USP10: variants seen among roughly 807,000 people sequenced by gnomAD.
USP10 encodes ubiquitin carboxyl-terminal hydrolase 10.
Under a neutral mutation model 84.5 loss-of-function variants are expected in USP10, and 22 were observed. The ratio of observed to expected loss-of-function variants is 0.26; its 90% CI spans 0.19 to 0.37. The LOEUF (loss-of-function observed/expected upper bound fraction) is 0.37. USP10 is among the 10% of genes least tolerant of loss of function. The pLI is 1.00. For synonymous variants in USP10, 454 were observed against 387.6 expected (o/e 1.17, Z -2.01); for missense variants, 1,019 against 998.9 (o/e 1.02, Z -0.27).
chr16:84,759,280 A>G (rs2150848181), intron 5 of USP10, 83 bp from the exon 6 acceptor site: 2 of 1,318,588 alleles, frequency 1.5e-6, no homozygotes, highest in East Asian at 2.3e-5. Flanking sequence ...GTGTTTTTAT[A>G]AACATTCTTG....
intron 1 of USP10, among the ~76,000 whole-genome samples, chr16:84,730,993 T>C (rs968649981): frequency 1.3e-5 from 2 of 148,626 alleles, no homozygotes; most frequent in African/African-American, 5.0e-5. Flanking sequence ...TTTTTTTTTT[T>C]TTTTTGACAC....
At chr16:84,722,334 C>T (rs902828222) in intron 1 of USP10, among the ~76,000 whole-genome samples, 2 of 152,188 alleles carry the variant, frequency 1.3e-5, no homozygotes, top group South Asian at 2.1e-4. Context: ...TTGTCTCTTT[C>T]CTCTTGATAG....
chr16:84,723,655 G>C (rs564879843), intron 1 of USP10, among the ~76,000 whole-genome samples: 2 of 152,330 alleles, frequency 1.3e-5, no homozygotes, highest in South Asian at 4.1e-4. Flanking sequence ...TCTATGCCAA[G>C]TCTACTGCAT....
intron 1 of USP10, among the ~76,000 whole-genome samples, chr16:84,701,859 TATG>T (rs1904900998): frequency 6.6e-6 from 1 of 151,888 alleles, no homozygotes. Flanking sequence ...TCTTTTAAAG[TATG>T]ATTTAAATGC....
intron 13 of USP10, among the ~76,000 whole-genome samples, chr16:84,775,639 C>G (rs954866850): frequency 5.3e-5 from 8 of 152,176 alleles, no homozygotes; most frequent in Admixed American, 5.2e-4. Flanking sequence ...GCGTCCTCCC[C>G]CACAGGTATT....
chr16:84,768,144 T>G (rs1324915050), intron 10 of USP10, 49 bp from the exon 11 acceptor site: 2 of 1,506,494 alleles, frequency 1.3e-6, no homozygotes, highest in Non-Finnish European at 1.8e-6. Flanking sequence ...TAAGGGAAAG[T>G]GGCAAGGAGT....
chr16:84,778,091 C>CGTGTGTGTGTG (rs1555551161), intron 13 of USP10, among the ~76,000 whole-genome samples: 1 of 143,432 alleles, frequency 7.0e-6, no homozygotes, highest in African/African-American at 2.6e-5. Flanking sequence ...AAGTAAATAA[C>CGTGTGTGTGTG]TGTGTGTGTG....
intron 6 of USP10, 144 bp from the exon 7 acceptor site, chr16:84,759,747 T>A: frequency 1.2e-6 from 1 of 843,644 alleles, no homozygotes; most frequent in Non-Finnish European, 1.9e-6. Context: ...TAGAAGAGAC[T>A]TGAGTTCACT....
chr16:84,717,583 CT>C, intron 1 of USP10, among the ~76,000 whole-genome samples: 1 of 152,154 alleles, frequency 6.6e-6, no homozygotes, highest in African/African-American at 2.4e-5. Context: ...TCAGCATTTG[CT>C]AGTCTCTTAG....
intron 3 of USP10, among the ~76,000 whole-genome samples, chr16:84,742,691 G>C (rs1910764932): frequency 6.6e-6 from 1 of 152,206 alleles, no homozygotes; most frequent in African/African-American, 2.4e-5. Context: ...ATTGGGCTCT[G>C]AGCTCTCTGC....
At chr16:84,744,448 A>T (rs1467560388) in intron 3 of USP10, among the ~76,000 whole-genome samples, 185 bp from the exon 4 acceptor site, 1 of 152,178 alleles carries the variant, frequency 6.6e-6, no homozygotes, top group African/African-American at 2.4e-5. Context: ...CATATCCCCA[A>T]ATTAAATAAT....
chr16:84,740,322 G>T lies in USP10; in HGVS notation c.104G>T (p.Ser35Ile). Residue 35 changes from serine to isoleucine, a missense_variant, in exon 3 of 14, where the codon AGT (serine) becomes ATT (isoleucine). By Grantham distance (142) the Ser-to-Ile change is moderately radical. Coordinates refer to ENST00000219473, the MANE Select transcript of USP10 (RefSeq NM_005153.3). ...TTCCTTGTGCAGCTTCCTCCATACA[G>T]TGGAACAGTTCTGTGTGGCACACAG... ...PRSSVELPPY[S>I]GTVLCGTQAV... 1 of 1,612,354 alleles carries T rather than the reference G, an allele frequency of 6.2e-7. No homozygotes were observed. The highest frequency in any genetic ancestry group is 8.5e-7 in the Non-Finnish European group (1 of 1,178,974).
chr16:84,706,385 T>G (rs1252739793), intron 1 of USP10, among the ~76,000 whole-genome samples: 1 of 151,860 alleles, frequency 6.6e-6, no homozygotes, highest in African/African-American at 2.4e-5. Context: ...ACAGCAAAAT[T>G]GAGAGAAAAG....
chr16:84,717,198 G>A (rs531049670), intron 1 of USP10, among the ~76,000 whole-genome samples: 5 of 152,078 alleles, frequency 3.3e-5, no homozygotes, highest in Non-Finnish European at 1.5e-5. Context: ...GAGCTTCAGA[G>A]GGTCTGTGAA....
chr16:84,740,646 T>C (rs779732194), intron 3 of USP10, among the ~76,000 whole-genome samples: 18 of 152,274 alleles, frequency 1.2e-4, no homozygotes, highest in South Asian at 4.1e-4. Flanking sequence ...GCAACAGGTA[T>C]GTTACTCTTC....
At chr16:84,774,617 CGTG>C (rs1567655001) in intron 12 of USP10, among the ~76,000 whole-genome samples, 3 of 152,020 alleles carry the variant, frequency 2.0e-5, no homozygotes, top group Non-Finnish European at 4.4e-5. Flanking sequence ...ACTACAGCCG[CGTG>C]CCACCACGCC....
Position 84,720,893 on chromosome 16 carries a change from AT to A in USP10, c.22-12524del, listed in dbSNP as rs1192679893. ...CACCGCGCCCGGCCAATGATGCACA[AT>A]TTTTTTTTTTTTTTTTTGGGAAGGA... On this transcript the variant is annotated intron_variant, in intron 1 of 13. Coordinates refer to ENST00000219473, the MANE Select transcript of USP10 (RefSeq NM_005153.3). Among the ~76,000 whole-genome samples, 881 of 98,994 alleles carry A rather than the reference AT, an allele frequency of 8.9e-3. 2 individuals are homozygous for A. The highest frequency in any genetic ancestry group is 0.014 in the African/African-American group (368 of 26,656). 64.9% of individuals were successfully genotyped at this position (98,994 alleles called of 152,430 possible).
At chr16:84,723,985 A>T (rs1421600746) in intron 1 of USP10, among the ~76,000 whole-genome samples, 2 of 152,302 alleles carry the variant, frequency 1.3e-5, no homozygotes, top group South Asian at 4.1e-4. Flanking sequence ...GGTCAGCACC[A>T]AGGTGATTGT....
Position 84,759,769 on chromosome 16 carries a change from C to T in USP10, c.1395-122C>T, listed in dbSNP as rs559356030. 23 of 1,015,898 alleles carry T rather than the reference C, an allele frequency of 2.3e-5. No individual in the cohort carries two copies. In the African/African-American group the frequency reaches 2.9e-4, roughly 13 times the overall value. The allele number at this position is 1,015,898 out of a possible 1,614,324, so 62.9% of individuals were successfully genotyped here. A position where few individuals can be genotyped will look rare whatever the true frequency, so the allele number is the denominator to read the frequency against. Reference sequence around the variant, plus strand: ...GACTTGAGTTCACTAGCTGTTACAGCATTGGTTACCTAAAATCTACTATAC... The same window carrying T: ...GACTTGAGTTCACTAGCTGTTACAGTATTGGTTACCTAAAATCTACTATAC... On this transcript the variant is annotated intron_variant, in intron 6 of 13. Coordinates refer to ENST00000219473, the MANE Select transcript of USP10 (RefSeq NM_005153.3).
Sources: allele counts gnomAD v4.1 joint callset (sites outside exome capture counted in the v4.1 genomes callset), GRCh38; gene constraint gnomAD v4.1.1; transcripts MANE v1.5; gene names NCBI Gene and HGNC (gene_info 2026-07-23, HGNC 2026-07-21).